Variants in TSGA10 observed in about 807,000 individuals in gnomAD.
TSGA10 encodes testis-specific gene 10 protein.
TSGA10 carries 43 observed loss-of-function variants against 96.6 expected under a neutral mutation model. The observed-to-expected ratio is 0.44, with a 90% CI of 0.35 to 0.57. TSGA10 has a LOEUF of 0.57. Ranked by LOEUF, TSGA10 falls within the 20% of genes least tolerant of loss-of-function variation. The pLI is 0.01. For missense variants in TSGA10, 703 were observed against 834.4 expected, an observed-to-expected ratio of 0.84 and a Z score of 1.94; for synonymous variants, 229 against 269.9, an observed-to-expected ratio of 0.85 and a Z score of 1.48.
At chr2:99,125,959 T>TTTA (rs1250493156) in intron 2 of TSGA10, 1 of 152,336 alleles carries the variant, frequency 6.6e-6, no homozygotes, top group Non-Finnish European at 1.5e-5. Context: ...GGAGTGCCTC[T>TTTA]TACTATAAAG....
At chr2:99,131,290 CTT>C (rs1482639417) in intron 1 of TSGA10, among the ~76,000 whole-genome samples, 1 of 152,044 alleles carries the variant, frequency 6.6e-6, no homozygotes, top group African/African-American at 2.4e-5. Context: ...TGTGTCCTCT[CTT>C]ATTTCTTTGA....
intron 4 of TSGA10, 30 bp downstream of exon 4, chr2:99,117,514 T>A (rs941809374): frequency 2.1e-6 from 2 of 958,302 alleles, no homozygotes; most frequent in Admixed American, 6.2e-5. Flanking sequence ...AAAGTAAAAT[T>A]AAAATCCTTA....
At chr2:99,046,565 C>T (rs1489718581) in intron 16 of TSGA10, among the ~76,000 whole-genome samples, 1 of 152,010 alleles carries the variant, frequency 6.6e-6, no homozygotes, top group Non-Finnish European at 1.5e-5. Flanking sequence ...TGGGACACAG[C>T]TAAAGCAGTG....
chr2:99,100,635 A>G (rs966233493), intron 10 of TSGA10, among the ~76,000 whole-genome samples: 13 of 152,008 alleles, frequency 8.6e-5, no homozygotes, highest in Admixed American at 3.3e-4. Flanking sequence ...CCTGGCTAAC[A>G]TGGTGAAACC....
At chr2:99,150,211 A>G (rs2093679119) in intron 1 of TSGA10, among the ~76,000 whole-genome samples, 1 of 152,244 alleles carries the variant, frequency 6.6e-6, no homozygotes, top group African/African-American at 2.4e-5. Flanking sequence ...AGGTTTCGCT[A>G]GCAAGAATGA....
intron 12 of TSGA10, among the ~76,000 whole-genome samples, chr2:99,076,783 G>A (rs528542387): frequency 1.3e-5 from 2 of 152,192 alleles, no homozygotes; most frequent in African/African-American, 4.8e-5. Context: ...TGTTCAACCT[G>A]TCTGGATCAC....
At chr2:99,101,454 C>T (rs1320371819) in intron 10 of TSGA10, among the ~76,000 whole-genome samples, 1 of 151,962 alleles carries the variant, frequency 6.6e-6, no homozygotes, top group Non-Finnish European at 1.5e-5. Context: ...AGGCATGAGC[C>T]ACTGTCCCCA....
At chr2:99,145,357 AG>A (rs1036601121) in intron 1 of TSGA10, among the ~76,000 whole-genome samples, 1 of 152,154 alleles carries the variant, frequency 6.6e-6, no homozygotes, top group Non-Finnish European at 1.5e-5. Flanking sequence ...CAGGAGTTCA[AG>A]ACCAGCCTGT....
chr2:99,019,807 A>G (rs2079852732), intron 18 of TSGA10, among the ~76,000 whole-genome samples: 1 of 152,232 alleles, frequency 6.6e-6, no homozygotes. Context: ...GATCCTAAAG[A>G]AAAGAAAAAG....
intron 20 of TSGA10, among the ~76,000 whole-genome samples, chr2:99,006,514 C>G (rs542642968): frequency 2.9e-3 from 446 of 152,308 alleles, no homozygotes; most frequent in African/African-American, 9.0e-3. Context: ...CAAAAGAAGA[C>G]ATTTATGCAG....
chr2:99,055,675 G>GGA (rs1191578494), intron 16 of TSGA10, among the ~76,000 whole-genome samples: 5 of 151,478 alleles, frequency 3.3e-5, no homozygotes, highest in Non-Finnish European at 7.4e-5. Flanking sequence ...AAAGAGAGAG[G>GGA]GAGAGAGAGA....
At chr2:99,104,637 G>A (rs2091148415) in intron 9 of TSGA10, among the ~76,000 whole-genome samples, 1 of 151,972 alleles carries the variant, frequency 6.6e-6, no homozygotes, top group Non-Finnish European at 1.5e-5. Context: ...ACCACACCTG[G>A]CAAATTTTCA....
intron 10 of TSGA10, among the ~76,000 whole-genome samples, chr2:99,083,185 C>T (rs1010907629): frequency 1.3e-5 from 2 of 152,048 alleles, no homozygotes; most frequent in Middle Eastern, 3.2e-3. Flanking sequence ...AAATCCAAGA[C>T]TAAAGAGGTA....
At chr2:99,072,825 T>G (rs1278437157) in intron 13 of TSGA10, among the ~76,000 whole-genome samples, 193 bp downstream of exon 13, 1 of 152,200 alleles carries the variant, frequency 6.6e-6, no homozygotes, top group African/African-American at 2.4e-5. Context: ...TTAAATGCCC[T>G]TCCCTTCCCC....
Position 99,081,305 on chromosome 2 carries a change from A to C in TSGA10, c.704T>G (p.Ile235Ser). The C allele has an allele frequency of 6.3e-7, 1 of 1,576,104 alleles. No individual in the cohort carries two copies. Among genetic ancestry groups the C allele is most frequent in the South Asian group, 1.2e-5 (1 of 82,344 alleles). ...ACCAATTTTTTCATCCAAGCACATA[A>C]TTTTCTCCTGAGTAAGCTGTAGCTC... ...KYELQLTQEK[I>S]MCLDEKIDNF... The change falls in exon 11 of 21, where the codon ATT becomes AGT. Residue 235 changes from isoleucine (I) to serine (S), a missense_variant. By Grantham distance (142) the Ile-to-Ser change is moderately radical. Transcript: ENST00000393483.
At chr2:99,111,629 G>A (rs978738418) in intron 4 of TSGA10, among the ~76,000 whole-genome samples, 12 of 152,010 alleles carry the variant, frequency 7.9e-5, no homozygotes, top group African/African-American at 2.7e-4. Context: ...TCTCTTCTAC[G>A]ATTTTTCTGG....
chr2:99,147,462 CCCTTCATGT>C (rs772105784), intron 1 of TSGA10: 7 of 1,613,800 alleles, frequency 4.3e-6, no homozygotes, highest in Non-Finnish European at 5.9e-6. Context: ...GACTTGTTCA[CCCTTCATGT>C]CCTCAACTCT....
chr2:99,075,619 A>G (rs888137925), intron 12 of TSGA10, among the ~76,000 whole-genome samples: 23 of 152,290 alleles, frequency 1.5e-4, no homozygotes, highest in African/African-American at 5.5e-4. Context: ...CATTATAGAG[A>G]ACATTTCCTC....
intron 17 of TSGA10, among the ~76,000 whole-genome samples, chr2:99,026,178 G>A (rs1409169902): frequency 1.3e-5 from 2 of 152,080 alleles, no homozygotes; most frequent in African/African-American, 2.4e-5. Flanking sequence ...ATTGAAAGTG[G>A]GGTATTGACA....
Sources: gnomAD v4.1 joint callset for allele counts (sites outside exome capture counted in the v4.1 genomes callset) on GRCh38, gnomAD v4.1.1 for gene constraint, MANE v1.5 for transcripts, NCBI Gene and HGNC (gene_info 2026-07-23, HGNC 2026-07-21) for gene names.